Variants in VWF observed in about 807,000 individuals in gnomAD.
VWF encodes the protein Factor VIII related antigen.
Under a neutral mutation model 308.6 loss-of-function variants are expected in VWF, and 176 were observed. The observed-to-expected ratio is 0.57, with a 90% CI of 0.50 to 0.65. The LOEUF is 0.65. Ranked by LOEUF, VWF falls within the 30% of genes least tolerant of loss-of-function variation. The pLI is 0.00. For missense variants in VWF, 3,146 were observed against 3,648.2 expected (o/e 0.86, Z 3.55); for synonymous variants, 1,385 against 1,443.4 (o/e 0.96, Z 0.92).
At chr12:6,102,579 A>G (rs984898642) in intron 5 of VWF, among the ~76,000 whole-genome samples, 4 of 151,908 alleles carry the variant, frequency 2.6e-5, no homozygotes, top group Admixed American at 6.6e-5. Flanking sequence ...TACTAAAAAT[A>G]CAAAAATTAG....
chr12:6,053,991 C>T (rs765738531), intron 15 of VWF, among the ~76,000 whole-genome samples: 2 of 152,186 alleles, frequency 1.3e-5, no homozygotes, highest in Non-Finnish European at 2.9e-5. Context: ...TTTCAAAATG[C>T]CTTCCCTGTG....
In VWF at chr12:5,984,037, CAGAT is replaced by C. The variant is rs1441141473; in HGVS notation, c.6977-787_6977-784del. On this transcript the variant is annotated intron_variant, in intron 40 of 51. Coordinates refer to ENST00000261405, the MANE Select transcript of VWF (RefSeq NM_000552.5). ...ATAGATAGACAGACAGACAGACAGA[CAGAT>C]AGATCAATCCAAGTCACATACTGAT... 2.1e-4 allele frequency among the ~76,000 whole-genome samples: 30 copies of C among 145,578 alleles called. No homozygotes were observed. The East Asian group carries it at 2.4e-3, about 11-fold the overall frequency.
chr12:5,996,122 C>CT lies in VWF; in HGVS notation c.5942dup (p.Gln1982AlafsTer9). ...TATGGAGAATCACCTCCAGGTCCTG[C>CT]TCCTTGTTTTGAAATAGGACATAAG... On this transcript the variant is annotated frameshift_variant, in exon 35 of 52. Coordinates refer to ENST00000261405, the MANE Select transcript of VWF (RefSeq NM_000552.5). LOFTEE classifies it high-confidence loss of function. 6.2e-7 allele frequency: 1 copy of CT among 1,614,146 alleles called. No individual in the cohort carries two copies. The highest frequency in any genetic ancestry group is 8.5e-7 in the Non-Finnish European group (1 of 1,180,044).
rs372588372 is a variant in VWF at position 6,029,396 on chromosome 12, G to T, written c.2913C>A (p.Ser971=). 8 of 1,614,080 alleles carry T rather than the reference G, an allele frequency of 5.0e-6. No individual in the cohort carries two copies. Among genetic ancestry groups the T allele is most frequent in the Non-Finnish European group, 6.8e-6 (8 of 1,180,018 alleles). Residue 971 remains serine, a synonymous_variant, in exon 22 of 52, where the codon TCC becomes TCA. Transcript: ENST00000261405. The stretch of plus-strand genomic sequence containing the variant: ...TGCTCAGGTGGCGGTCCCAGACCAC[G>T]GAGAGGGCTTTGCCCAGCAGCAGAA... ...YIILLLGKAL[S]VVWDRHLSIS... is the part of the protein sequence containing the mutation.
intron 47 of VWF, among the ~76,000 whole-genome samples, chr12:5,963,515 C>T (rs1943341917): frequency 6.6e-6 from 1 of 152,154 alleles, no homozygotes; most frequent in South Asian, 2.1e-4. Flanking sequence ...GAGGAAGTAA[C>T]TGGAACTCCC....
intron 5 of VWF, among the ~76,000 whole-genome samples, chr12:6,096,192 G>C (rs756656862): frequency 1.1e-4 from 16 of 152,060 alleles, no homozygotes; most frequent in Non-Finnish European, 4.4e-5. Context: ...TGAGGTGAAA[G>C]ATGATGAGGA....
Position 5,996,071 on chromosome 12 carries a change from C to A in VWF, c.5994G>T (p.Arg1998Ser), listed in dbSNP as rs755010612. The change falls in exon 35 of 52, where the codon AGG (arginine) becomes AGT (serine). Residue 1998 changes from arginine (R) to serine (S), a missense_variant. Coordinates refer to ENST00000261405, the MANE Select transcript of VWF (RefSeq NM_000552.5). ...CCTCGATGGATTTCATGCAGCCCTG[C>A]CTTGCTCCAGGGCTGCAGGCACCAT... is the stretch of plus-strand genomic sequence containing the variant. The part of the protein sequence containing the change: ...LHNGACSPGA[R>S]QGCMKSIEVK... 1 of 1,613,980 alleles carries A rather than the reference C, an allele frequency of 6.2e-7. No individual in the cohort carries two copies. Among genetic ancestry groups the A allele is most frequent in the African/African-American group, 1.3e-5 (1 of 75,048 alleles).
chr12:5,984,133 C>T (rs1943649950), intron 40 of VWF, among the ~76,000 whole-genome samples: 1 of 152,200 alleles, frequency 6.6e-6, no homozygotes, highest in Admixed American at 6.5e-5. Context: ...AGACCTGTTT[C>T]TTCTTCTGGA....
chr12:5,981,778 G>C lies in VWF; in HGVS notation c.7287+8C>G. On this transcript the variant is annotated splice_region_variant and intron_variant, in intron 42 of 51. Transcript: ENST00000261405. ...TTAACTGATAGTTAATAGCCAAGCAGTCCTTACCTTGTCGGGAAGGCAGGT... is the reference window on the plus strand; with the variant it reads ...TTAACTGATAGTTAATAGCCAAGCACTCCTTACCTTGTCGGGAAGGCAGGT... 1 of 1,613,882 alleles carries C rather than the reference G, an allele frequency of 6.2e-7. No homozygotes were observed. The highest frequency in any genetic ancestry group is 8.5e-7 in the Non-Finnish European group (1 of 1,179,840).
intron 40 of VWF, 96 bp downstream of exon 40, chr12:5,984,949 G>A: frequency 7.5e-7 from 1 of 1,340,150 alleles, no homozygotes. Flanking sequence ...CACACACCCT[G>A]TGCCTGAGAA....
At chr12:6,123,312 T>C in intron 1 of VWF, 116 bp from the exon 2 acceptor site, 1 of 1,240,250 alleles carries the variant, frequency 8.1e-7, no homozygotes, top group Non-Finnish European at 1.2e-6. Flanking sequence ...GGAGAAAAGA[T>C]TGATCCTCGT....
At chr12:5,970,497 T>C (rs1943460308) in intron 44 of VWF, among the ~76,000 whole-genome samples, 1 of 152,102 alleles carries the variant, frequency 6.6e-6, no homozygotes, top group Admixed American at 6.5e-5. Flanking sequence ...GCCCCTGATC[T>C]GAGCTGGACC....
rs763428415 is a variant in VWF at position 6,072,286 on chromosome 12, T to TC, written c.1109+44dup. The TC allele has an allele frequency of 3.2e-6, 5 of 1,581,392 alleles. No homozygotes were observed. In the South Asian group the frequency reaches 5.5e-5, roughly 18 times the overall value. The stretch of plus-strand genomic sequence containing the variant: ...CTGCTGACCCAGCTTCCCTCCCCAG[T>TC]CCCCCAGGCAGGTCTCCCAGAGCAC... On this transcript the variant is annotated intron_variant, in intron 9 of 51. Transcript: ENST00000261405.
chr12:6,036,248 C>T, intron 19 of VWF, 140 bp downstream of exon 19: 1 of 729,790 alleles, frequency 1.4e-6, no homozygotes, highest in Non-Finnish European at 2.4e-6. Context: ...GATGGAGAAA[C>T]ACAGGCACGG....
At chr12:6,055,774 A>ACAC in intron 15 of VWF, among the ~76,000 whole-genome samples, 1 of 150,196 alleles carries the variant, frequency 6.7e-6, no homozygotes, top group Middle Eastern at 3.4e-3. Flanking sequence ...ACACACACAC[A>ACAC]CACACACACA....
Position 6,092,614 on chromosome 12 carries a change from T to TGAGAGAGAGAGAGAGA in VWF, c.657+2845_657+2846insTCTCTCTCTCTCTCTC, listed in dbSNP as rs1555073700. ...CATGCCCAGCTAGTTAGTGAGTGAGTGAGAGTGTGTGTGTGTGTGTGTGTG... is the reference window on the plus strand; with the variant it reads ...CATGCCCAGCTAGTTAGTGAGTGAGTGAGAGAGAGAGAGAGAGAGAGTGTGTGTGTGTGTGTGTGTG... On this transcript the variant is annotated intron_variant, in intron 6 of 51. Coordinates refer to ENST00000261405, the MANE Select transcript of VWF (RefSeq NM_000552.5). 1.5e-3 allele frequency among the ~76,000 whole-genome samples: 133 copies of TGAGAGAGAGAGAGAGA among 86,058 alleles called. 3 individuals carry two copies. The highest frequency in any genetic ancestry group is 5.8e-3 in the African/African-American group (100 of 17,236). The allele number at this position is 86,058 out of a possible 152,430, so 56.5% of individuals were successfully genotyped here.
intron 6 of VWF, among the ~76,000 whole-genome samples, chr12:6,079,591 C>T (rs898929379): frequency 1.3e-5 from 2 of 148,366 alleles, no homozygotes; most frequent in East Asian, 2.0e-4. Context: ...GCCTGGGCGA[C>T]AGAGTGAGAC....
chr12:5,977,877 A>C (rs114903620), intron 42 of VWF, among the ~76,000 whole-genome samples: 7,443 of 147,992 alleles, frequency 0.05, 576 homozygotes, highest in African/African-American at 0.17. Context: ...CTCTCTCTCT[A>C]TATATATATA....
chr12:6,038,246 G>C (rs1045410126), intron 18 of VWF, among the ~76,000 whole-genome samples: 9 of 152,222 alleles, frequency 5.9e-5, no homozygotes, highest in African/African-American at 2.2e-4. Context: ...ACTTAAGCCT[G>C]AGGCCCACCA....
Sources: gnomAD v4.1 joint callset for allele counts (sites outside exome capture counted in the v4.1 genomes callset) on GRCh38, gnomAD v4.1.1 for gene constraint, MANE v1.5 for transcripts, NCBI Gene and HGNC (gene_info 2026-07-23, HGNC 2026-07-21) for gene names.